Variants in AFF2 observed in about 807,000 individuals in gnomAD.
The protein encoded by AFF2 is AF4/FMR2 family member 2.
AFF2 carries 14 observed loss-of-function variants against 76.9 expected under a neutral mutation model. That is an observed-to-expected ratio of 0.18 (90% CI 0.12 to 0.28). The LOEUF (loss-of-function observed/expected upper bound fraction) is 0.28, where lower values mean the gene tolerates loss of function less well. AFF2 is among the 10% of genes least tolerant of loss of function. The pLI is 1.00. For missense variants in AFF2, 868 were observed against 1,001.1 expected, an observed-to-expected ratio of 0.87 and a Z score of 1.79; for synonymous variants, 398 against 366.7, an observed-to-expected ratio of 1.09 and a Z score of -0.98.
At chrX:148,514,570 T>C (rs2052516062) in intron 1 of AFF2, among the ~76,000 whole-genome samples, 1 of 112,603 alleles carries the variant, frequency 8.9e-6, no homozygotes, top group Admixed American at 9.4e-5. Context: ...CAAGTTGAAT[T>C]GGTCTATGTG....
chrX:148,934,693 G>A (rs2071752370), intron 9 of AFF2, among the ~76,000 whole-genome samples: 1 of 111,809 alleles, frequency 8.9e-6, no homozygotes, highest in African/African-American at 3.3e-5. Context: ...GTAAAGTGAA[G>A]GTAATAACAG....
chrX:148,896,286 C>T (rs1280763625), intron 8 of AFF2, among the ~76,000 whole-genome samples: 1 of 111,758 alleles, frequency 8.9e-6, no homozygotes, highest in Non-Finnish European at 1.9e-5. Context: ...GCCATGAAAA[C>T]ATTGATTTTG....
At chrX:148,824,907 C>G (rs2070369858) in intron 4 of AFF2, among the ~76,000 whole-genome samples, 1 of 110,526 alleles carries the variant, frequency 9.0e-6, no homozygotes, top group Admixed American at 9.6e-5. Flanking sequence ...TGTGGTGGTG[C>G]ACACCTGTAG....
At chrX:148,989,040 C>A (rs782159440) in intron 20 of AFF2, among the ~76,000 whole-genome samples, 63 of 112,166 alleles carry the variant, frequency 5.6e-4, no homozygotes, top group African/African-American at 1.9e-3. Flanking sequence ...CCTCAGAGAC[C>A]TTTGGTGAGA....
In AFF2 at chrX:148,794,861, CA is replaced by C. The variant is rs1273730385; in HGVS notation, c.1042-15014del. Among the ~76,000 whole-genome samples, 11 of 111,537 alleles carry C rather than the reference CA, an allele frequency of 9.9e-5. 1 individual carries two copies. The highest frequency in any genetic ancestry group is 3.6e-4 in the African/African-American group (11 of 30,650). On this transcript the variant is annotated intron_variant, in intron 3 of 20. Coordinates refer to ENST00000370460, the MANE Select transcript of AFF2 (RefSeq NM_002025.4). ...ACATGGATAAATCTATGTTAAACAA[CA>C]GCAGCATGAAATAGTGGAAGAAACA...
rs782487405 is a variant in AFF2 at position 148,916,923 on chromosome X, T to C, written c.1397+12665T>C. Among the ~76,000 whole-genome samples the C allele has an allele frequency of 4.5e-5, 5 of 112,174 alleles. No individual in the cohort carries two copies. The East Asian group carries it at 1.4e-3, about 32-fold the overall frequency. Reference sequence around the variant, plus strand: ...TAGCTATCATATAACAACAGCTCAGTATCTTGAATGAGTAAGTGCAAACAT... The same window carrying C: ...TAGCTATCATATAACAACAGCTCAGCATCTTGAATGAGTAAGTGCAAACAT... On this transcript the variant is annotated intron_variant, in intron 9 of 20. Transcript: ENST00000370460.
intron 9 of AFF2, among the ~76,000 whole-genome samples, chrX:148,913,367 T>G: frequency 8.9e-6 from 1 of 112,564 alleles, no homozygotes; most frequent in Non-Finnish European, 1.9e-5. Flanking sequence ...TGACACCAAA[T>G]GTGTCAAAAA....
In AFF2 at chrX:148,994,694, A is replaced by AT. The variant is rs1373894076; in HGVS notation, c.*3366dup. On this transcript the variant is annotated 3_prime_UTR_variant, in exon 21 of 21. Transcript: ENST00000370460. ...GACATTACATCACTAAATTCATTAG[A>AT]TTTTGTCTGCATTGGAAAGATACTC... 2.7e-5 allele frequency: 3 copies of AT among 112,300 alleles called. No homozygotes were observed. Among genetic ancestry groups the AT allele is most frequent in the African/African-American group, 9.7e-5 (3 of 30,875 alleles). 9.3% of individuals were successfully genotyped at this position (112,300 alleles called of 1,213,427 possible).
intron 2 of AFF2, among the ~76,000 whole-genome samples, chrX:148,658,418 A>G (rs1432402988): frequency 3.6e-5 from 4 of 111,532 alleles, no homozygotes; most frequent in African/African-American, 1.3e-4. Flanking sequence ...ACATCCCTCT[A>G]TTTCTCCAGG....
At chrX:148,797,182 T>C (rs1253227217) in intron 3 of AFF2, among the ~76,000 whole-genome samples, 1 of 112,103 alleles carries the variant, frequency 8.9e-6, no homozygotes, top group African/African-American at 3.3e-5. Context: ...TAACACAAGT[T>C]GAATCTTTCA....
chrX:148,773,737 A>AGAAG (rs2069630874), intron 3 of AFF2, among the ~76,000 whole-genome samples: 2 of 107,773 alleles, frequency 1.9e-5, no homozygotes, highest in African/African-American at 6.8e-5. Flanking sequence ...AAAGAAAGAA[A>AGAAG]GAAAGAAAGA....
At chrX:148,756,388 T>G (rs781822564) in intron 3 of AFF2, among the ~76,000 whole-genome samples, 1 of 112,617 alleles carries the variant, frequency 8.9e-6, no homozygotes, top group South Asian at 3.6e-4. Context: ...TGATCTCATA[T>G]GAAAGACTTA....
chrX:148,966,627 A>C (rs781815562), intron 13 of AFF2, among the ~76,000 whole-genome samples, 163 bp from the exon 14 acceptor site: 2 of 110,174 alleles, frequency 1.8e-5, no homozygotes, highest in Non-Finnish European at 3.8e-5. Context: ...GCGTTCATAA[A>C]ATATCCAGGG....
intron 20 of AFF2, 152 bp from the exon 21 acceptor site, chrX:148,991,059 C>T (rs1312005349): frequency 1.6e-6 from 1 of 616,697 alleles, no homozygotes; most frequent in Non-Finnish European, 2.4e-6. Flanking sequence ...AGTAGGCACT[C>T]TATAAATGTT....
chrX:148,738,372 T>C (rs2055310775), intron 3 of AFF2, among the ~76,000 whole-genome samples: 1 of 111,511 alleles, frequency 9.0e-6, no homozygotes, highest in Admixed American at 9.5e-5. Flanking sequence ...CAGGAATTTA[T>C]CCATCTCTTC....
At chrX:148,877,539 T>C (rs1557278034) in intron 7 of AFF2, among the ~76,000 whole-genome samples, 1 of 112,821 alleles carries the variant, frequency 8.9e-6, no homozygotes, top group African/African-American at 3.2e-5. Context: ...TTGTCAGTCC[T>C]GAATGTTTTG....
intron 3 of AFF2, among the ~76,000 whole-genome samples, chrX:148,729,713 A>C (rs1271056327): frequency 8.9e-6 from 1 of 112,007 alleles, no homozygotes; most frequent in African/African-American, 3.2e-5. Flanking sequence ...GCATTAAAAC[A>C]ATTATCCAGT....
intron 10 of AFF2, 138 bp downstream of exon 10, chrX:148,953,877 A>C (rs1603347566): frequency 1.7e-6 from 1 of 575,156 alleles, no homozygotes; most frequent in East Asian, 3.7e-5. Flanking sequence ...CATGATAACC[A>C]CTTCAGAAAA....
rs782507551 is a variant in AFF2 at position 148,908,176 on chromosome X, T to A, written c.1397+3918T>A. Among the ~76,000 whole-genome samples the A allele has an allele frequency of 6.1e-4, 68 of 111,065 alleles. 1 individual carries two copies. The highest frequency in any genetic ancestry group is 9.2e-3 in the Middle Eastern group (2 of 217). On this transcript the variant is annotated intron_variant, in intron 9 of 20. Transcript: ENST00000370460. ...TCAAACACACATGCTCTACAAGCAA[T>A]TTGTGCAGTTAAGGCAATCATTACA...
Sources: gnomAD v4.1 joint callset for allele counts (sites outside exome capture counted in the v4.1 genomes callset) on GRCh38, gnomAD v4.1.1 for gene constraint, MANE v1.5 for transcripts, NCBI Gene and HGNC (gene_info 2026-07-23, HGNC 2026-07-21) for gene names.